SLC4A4: variants seen among roughly 807,000 people sequenced by gnomAD.
SLC4A4 encodes the protein solute carrier family 4 member 4, also known as electrogenic sodium bicarbonate cotransporter 1.
Under a neutral mutation model 111.5 loss-of-function variants are expected in SLC4A4, and 27 were observed. That is an observed-to-expected ratio of 0.24 (90% CI 0.18 to 0.33). SLC4A4 has a LOEUF of 0.33. Ranked by LOEUF, SLC4A4 falls within the 10% of genes least tolerant of loss-of-function variation. The pLI is 1.00. For missense variants in SLC4A4, 909 were observed against 1,315.5 expected (o/e 0.69, Z 4.78); for synonymous variants, 443 against 463.4 (o/e 0.96, Z 0.57).
chr4:71,262,291 C>T (rs1721914890), intron 3 of SLC4A4, among the ~76,000 whole-genome samples: 1 of 152,100 alleles, frequency 6.6e-6, no homozygotes, highest in South Asian at 2.1e-4. Flanking sequence ...TGAGTGTGAA[C>T]TCATAAATGC....
In SLC4A4 at chr4:71,571,778, G is replaced by A. The variant is rs1737947764; in HGVS notation, c.*4027G>A. ...TTTTCAGAATCAATACGCACTTTCA[G>A]ATATTCTTATTTTTATTCTCTTAAG... On this transcript the variant is annotated 3_prime_UTR_variant, in exon 26 of 26. Transcript: ENST00000264485. 6.6e-6 allele frequency: 1 copy of A among 152,170 alleles called. No individual in the cohort carries two copies. The highest frequency in any genetic ancestry group is 1.5e-5 in the Non-Finnish European group (1 of 67,846). The allele number at this position is 152,170 out of a possible 1,614,324, so 9.4% of individuals were successfully genotyped here. A position where few individuals can be genotyped will look rare whatever the true frequency, so the allele number is the denominator to read the frequency against.
chr4:71,108,018 A>G (rs1742991927), intron 2 of SLC4A4, among the ~76,000 whole-genome samples: 2 of 152,174 alleles, frequency 1.3e-5, no homozygotes, highest in Admixed American at 1.3e-4. Context: ...ATTTAAATTT[A>G]TACCATATTA....
chr4:71,157,131 T>G (rs1744499791), intron 2 of SLC4A4, among the ~76,000 whole-genome samples: 1 of 152,192 alleles, frequency 6.6e-6, no homozygotes, highest in Non-Finnish European at 1.5e-5. Context: ...ATGGAAGGTC[T>G]GCAAACCTGA....
At chr4:71,466,637 C>G in intron 13 of SLC4A4, 60 bp downstream of exon 13, 1 of 1,496,452 alleles carries the variant, frequency 6.7e-7, no homozygotes, top group Non-Finnish European at 9.3e-7. Flanking sequence ...CCTTTATAGG[C>G]TAGATAGAGC....
At chr4:71,518,729 C>A (rs1350616522) in intron 16 of SLC4A4, among the ~76,000 whole-genome samples, 4 of 151,380 alleles carry the variant, frequency 2.6e-5, no homozygotes, top group African/African-American at 9.8e-5. Flanking sequence ...GAGCCTAGGG[C>A]CACTGGGTTT....
chr4:71,346,108 A>C (rs181680487), intron 4 of SLC4A4, among the ~76,000 whole-genome samples: 3 of 152,040 alleles, frequency 2.0e-5, no homozygotes, highest in African/African-American at 4.8e-5. Context: ...ATATTTAATC[A>C]TATGATTGGA....
chr4:71,478,224 C>T (rs1182732779), intron 14 of SLC4A4, among the ~76,000 whole-genome samples: 1 of 151,880 alleles, frequency 6.6e-6, no homozygotes, highest in African/African-American at 2.4e-5. Flanking sequence ...GGATCTAAAA[C>T]TAGAAATACC....
intron 2 of SLC4A4, among the ~76,000 whole-genome samples, chr4:71,097,569 T>G (rs1013055822): frequency 6.6e-6 from 1 of 152,168 alleles, no homozygotes; most frequent in Non-Finnish European, 1.5e-5. Context: ...TGAATGGTAG[T>G]TCTGTTTTTA....
In SLC4A4 at chr4:71,153,167, C is replaced by T. The variant is rs745523745; in HGVS notation, c.-2+60375C>T. The stretch of plus-strand genomic sequence containing the variant: ...AGTCCGAGTCCCAAAACTGAAGAAC[C>T]TGGAGTCTGATGTTTGAGGGCAGGA... On this transcript the variant is annotated intron_variant, in intron 2 of 26. Coordinates refer to the SLC4A4 transcript ENST00000649996. Among the ~76,000 whole-genome samples the T allele has an allele frequency of 3.3e-5, 5 of 151,660 alleles. No individual in the cohort carries two copies. In the South Asian group the frequency reaches 6.2e-4, roughly 19 times the overall value.
At chr4:71,437,830 T>A (rs2149052203) in intron 7 of SLC4A4, 2 of 233,604 alleles carry the variant, frequency 8.6e-6, no homozygotes, top group Middle Eastern at 3.1e-3. Context: ...GTGTGTGGCC[T>A]CGTGGGGGCA....
intron 1 of SLC4A4, among the ~76,000 whole-genome samples, chr4:71,063,860 C>A (rs1364635859): frequency 1.3e-5 from 2 of 152,046 alleles, no homozygotes; most frequent in East Asian, 3.8e-4. Flanking sequence ...ACAGGAGTAT[C>A]CACCCCAAAT....
chr4:71,103,445 C>G (rs1048972702), intron 2 of SLC4A4, among the ~76,000 whole-genome samples: 3 of 152,188 alleles, frequency 2.0e-5, no homozygotes, highest in Admixed American at 6.5e-5. Context: ...CAGAACTCTC[C>G]ACCCCAAATC....
chr4:71,428,922 G>A (rs997308158), intron 7 of SLC4A4, among the ~76,000 whole-genome samples: 2 of 152,096 alleles, frequency 1.3e-5, no homozygotes, highest in African/African-American at 2.4e-5. Flanking sequence ...CAAGGACATT[G>A]AAGAGCCTAC....
At chr4:71,082,173 A>T (rs1258248246) in intron 1 of SLC4A4, among the ~76,000 whole-genome samples, 2 of 152,032 alleles carry the variant, frequency 1.3e-5, no homozygotes, top group East Asian at 3.8e-4. Flanking sequence ...CTAGCAATTC[A>T]GTTTATTCCG....
At chr4:71,254,901 A>G (rs1447442233) in intron 2 of SLC4A4, among the ~76,000 whole-genome samples, 1 of 152,110 alleles carries the variant, frequency 6.6e-6, no homozygotes, top group East Asian at 1.9e-4. Context: ...AGGTCAGACA[A>G]CTAATTGATG....
At chr4:71,556,509 T>G (rs538284618) in intron 21 of SLC4A4, among the ~76,000 whole-genome samples, 2 of 151,992 alleles carry the variant, frequency 1.3e-5, no homozygotes, top group Non-Finnish European at 2.9e-5. Context: ...AGTGCATGTT[T>G]ATTTAATTAA....
chr4:71,153,054 A>ATAAAT (rs528058780), intron 2 of SLC4A4, among the ~76,000 whole-genome samples: 1 of 140,924 alleles, frequency 7.1e-6, no homozygotes. Flanking sequence ...TATATATATA[A>ATAAAT]AAATAAAAGG....
chr4:71,466,801 C>T (rs1446749665), intron 13 of SLC4A4, among the ~76,000 whole-genome samples: 3 of 151,948 alleles, frequency 2.0e-5, no homozygotes, highest in African/African-American at 4.8e-5. Flanking sequence ...TGCTCCCTTC[C>T]CACTTACTCT....
intron 1 of SLC4A4, among the ~76,000 whole-genome samples, chr4:71,214,082 G>GC (rs1015901962): frequency 1.3e-5 from 2 of 152,072 alleles, no homozygotes; most frequent in Admixed American, 6.5e-5. Flanking sequence ...TCTTGACATG[G>GC]CCCCCAGGTA....
Sources: allele counts gnomAD v4.1 joint callset (sites outside exome capture counted in the v4.1 genomes callset), GRCh38; gene constraint gnomAD v4.1.1; transcripts MANE v1.5; gene names NCBI Gene and HGNC (gene_info 2026-07-23, HGNC 2026-07-21).